Variants in GSE1 observed in about 807,000 individuals in gnomAD.
GSE1 encodes the protein genetic suppressor element 1.
Under a neutral mutation model 112.6 loss-of-function variants are expected in GSE1, and 32 were observed. The observed-to-expected ratio is 0.28, with a 90% CI of 0.21 to 0.38. The LOEUF is 0.38. Among genes scored for constraint, GSE1 ranks in the 10% least tolerant of loss-of-function variants. GSE1 has a pLI of 1.00. For synonymous variants in GSE1, 1,115 were observed against 735.6 expected (o/e 1.52, Z -8.35); for missense variants, 2,348 against 1,699.2 (o/e 1.38, Z -6.71).
intron 1 of GSE1, among the ~76,000 whole-genome samples, chr16:85,305,637 C>T (rs550882113): frequency 2.6e-5 from 4 of 152,188 alleles, no homozygotes; most frequent in South Asian, 2.1e-4. Flanking sequence ...CATGCACCAC[C>T]ATGCCTGGCT....
chr16:85,636,772 C>T (rs892615021), intron 2 of GSE1, among the ~76,000 whole-genome samples: 1 of 152,216 alleles, frequency 6.6e-6, no homozygotes, highest in Non-Finnish European at 1.5e-5. Context: ...GCCCCCCTCA[C>T]CCCTAGCACC....
At chr16:85,283,755 G>T (rs1295149571) in intron 1 of GSE1, among the ~76,000 whole-genome samples, 1 of 152,210 alleles carries the variant, frequency 6.6e-6, no homozygotes, top group African/African-American at 2.4e-5. Context: ...AAGTGTATTA[G>T]CTCATTCAGC....
At chr16:85,347,688 G>A (rs942949529) in intron 1 of GSE1, among the ~76,000 whole-genome samples, 4 of 152,028 alleles carry the variant, frequency 2.6e-5, no homozygotes, top group African/African-American at 9.7e-5. Flanking sequence ...GCCTCACTGA[G>A]TTGTTTAAGG....
intron 10 of GSE1, 43 bp downstream of exon 10, chr16:85,663,136 C>T (rs771976976): frequency 1.4e-6 from 2 of 1,418,338 alleles, no homozygotes; most frequent in African/African-American, 1.4e-5. Context: ...GGGCTGGGCT[C>T]TCGTTCCTAG....
chr16:85,226,819 A>C (rs1188193818), intron 1 of GSE1, among the ~76,000 whole-genome samples: 1 of 99,782 alleles, frequency 1.0e-5, no homozygotes, highest in African/African-American at 4.0e-5. Flanking sequence ...GTGTGTGTGA[A>C]GGAGGACGAA....
chr16:85,226,914 G>T (rs376561980), intron 1 of GSE1, among the ~76,000 whole-genome samples: 2 of 152,052 alleles, frequency 1.3e-5, no homozygotes, highest in South Asian at 2.1e-4. Flanking sequence ...CATCTGGCCC[G>T]AAAACTGAGG....
chr16:85,336,952 T>C (rs1029489223), intron 1 of GSE1, among the ~76,000 whole-genome samples: 2 of 152,184 alleles, frequency 1.3e-5, no homozygotes, highest in East Asian at 3.9e-4. Context: ...GCACACATGC[T>C]TGTATACACA....
intron 1 of GSE1, among the ~76,000 whole-genome samples, chr16:85,207,616 C>T (rs954250327): frequency 3.3e-5 from 5 of 152,228 alleles, no homozygotes; most frequent in East Asian, 1.9e-4. Flanking sequence ...GTGTGAGGAG[C>T]CCGGGCTGCA....
chr16:85,668,516 C>T (rs1244282108), intron 14 of GSE1, 92 bp downstream of exon 14: 8 of 844,600 alleles, frequency 9.5e-6, no homozygotes, highest in African/African-American at 6.7e-5. Context: ...CCTCTGCCAG[C>T]CTGGGGACTG....
At chr16:85,234,585 C>T (rs1478646049) in intron 1 of GSE1, among the ~76,000 whole-genome samples, 1 of 152,210 alleles carries the variant, frequency 6.6e-6, no homozygotes, top group African/African-American at 2.4e-5. Context: ...GGGCTGTGTC[C>T]TCATTCCCAA....
chr16:85,673,168 C>G lies in GSE1; in HGVS notation c.*629C>G, dbSNP rs1449550664. ...CTTACCTAAAGATAAAACCAATTCA[C>G]AAACTGAAGGTAGCTTTTTATTACT... On this transcript the variant is annotated 3_prime_UTR_variant, in exon 16 of 16. Coordinates refer to ENST00000253458, the MANE Select transcript of GSE1 (RefSeq NM_014615.5). 1.3e-5 allele frequency: 2 copies of G among 152,550 alleles called. No homozygotes were observed. The highest frequency in any genetic ancestry group is 2.1e-4 in the South Asian group (1 of 4,830). 9.4% of individuals were successfully genotyped at this position (152,550 alleles called of 1,614,324 possible). A position where few individuals can be genotyped will look rare whatever the true frequency, so the allele number is the denominator to read the frequency against.
chr16:85,476,181 C>G (rs571749926), intron 2 of GSE1, among the ~76,000 whole-genome samples: 4 of 152,232 alleles, frequency 2.6e-5, no homozygotes, highest in African/African-American at 9.6e-5. Flanking sequence ...ATCCTCCTGC[C>G]TGGGCCTCCC....
intron 1 of GSE1, among the ~76,000 whole-genome samples, chr16:85,246,273 A>ACC (rs1385046763): frequency 1.6e-4 from 19 of 118,868 alleles, no homozygotes; most frequent in Non-Finnish European, 2.3e-4. Context: ...ACACACACAC[A>ACC]CCCCACACGC....
At chr16:85,598,121 C>T (rs997708666) in intron 1 of GSE1, among the ~76,000 whole-genome samples, 5 of 149,100 alleles carry the variant, frequency 3.4e-5, no homozygotes, top group African/African-American at 1.2e-4. Context: ...GTGCAGGCAT[C>T]GGCGTTTTTC....
chr16:85,634,110 C>T lies in GSE1; in HGVS notation c.204C>T (p.Ala68=). ...TTGCCGCCGCGCTGCGCAAGCTCGCCAAACAGGCGGAGGAGCCCAGAGGTA... is the reference window on the plus strand; with the variant it reads ...TTGCCGCCGCGCTGCGCAAGCTCGCTAAACAGGCGGAGGAGCCCAGAGGTA... The part of the protein sequence containing the change: ...SSFAAALRKL[A]KQAEEPRGSS... Residue 68 remains alanine, a synonymous_variant, in exon 2 of 16, where the codon GCC becomes GCT. Transcript: ENST00000253458. 1.3e-6 allele frequency: 2 copies of T among 1,558,716 alleles called. No homozygotes were observed. Among genetic ancestry groups the T allele is most frequent in the Non-Finnish European group, 1.7e-6 (2 of 1,157,424 alleles).
intron 1 of GSE1, among the ~76,000 whole-genome samples, chr16:85,282,541 G>A (rs1023098117): frequency 1.1e-4 from 17 of 152,200 alleles, no homozygotes; most frequent in Non-Finnish European, 1.6e-4. Flanking sequence ...AGTCAGAGTC[G>A]CACAGGATCG....
intron 2 of GSE1, among the ~76,000 whole-genome samples, chr16:85,363,303 G>A (rs566380564): frequency 2.2e-4 from 33 of 152,340 alleles, no homozygotes; most frequent in African/African-American, 7.9e-4. Context: ...TGACAGGGGT[G>A]CTGGGGCTGA....
At chr16:85,286,594 G>A (rs1033070534) in intron 1 of GSE1, among the ~76,000 whole-genome samples, 2 of 152,198 alleles carry the variant, frequency 1.3e-5, no homozygotes, top group African/African-American at 4.8e-5. Flanking sequence ...TGGGCCGGTC[G>A]GAGCTGCAAC....
intron 1 of GSE1, among the ~76,000 whole-genome samples, chr16:85,313,923 TGTG>T (rs1484710337): frequency 3.3e-5 from 3 of 91,896 alleles, no homozygotes; most frequent in African/African-American, 1.3e-4. Context: ...AGCCTCTGTG[TGTG>T]TGTGTGTGTG....
Sources: gnomAD v4.1 joint callset for allele counts (sites outside exome capture counted in the v4.1 genomes callset) on GRCh38, gnomAD v4.1.1 for gene constraint, MANE v1.5 for transcripts, NCBI Gene and HGNC (gene_info 2026-07-23, HGNC 2026-07-21) for gene names.